The following PCDHGA1 variants were observed in gnomAD, a reference collection of about 807,000 sequenced individuals.
The protein encoded by PCDHGA1 is protocadherin gamma-A1.
In PCDHGA1, 32 loss-of-function variants were observed where a neutral mutation model predicts 58.0. That is an observed-to-expected ratio of 0.55 (90% CI 0.42 to 0.74). The LOEUF is 0.74. Among genes scored for constraint, PCDHGA1 ranks in the 30% least tolerant of loss-of-function variants. The pLI, the probability that PCDHGA1 is intolerant of heterozygous loss-of-function variation, is 0.00. For missense variants in PCDHGA1, 1,205 were observed against 1,182.3 expected, an observed-to-expected ratio of 1.02 and a Z score of -0.28; for synonymous variants, 498 against 501.1, an observed-to-expected ratio of 0.99 and a Z score of 0.08.
rs759819103 is a variant in PCDHGA1, at chr5:141,398,546, T to A, written c.2421+65441T>A. On this transcript the variant is annotated intron_variant, in intron 1 of 3. Transcript: ENST00000517417. ...AAATTCACGCAAAATTCCTTTGAGC[T>A]GCAAATAAGTGAGTCTGCACAGCCT... 3.1e-6 allele frequency: 5 copies of A among 1,613,902 alleles called. No homozygotes were observed. The East Asian group carries it at 1.1e-4, about 36-fold the overall frequency.
At chr5:141,335,509 T>C (rs1424717195) in intron 1 of PCDHGA1, among the ~76,000 whole-genome samples, 2 of 152,010 alleles carry the variant, frequency 1.3e-5, no homozygotes, top group Non-Finnish European at 2.9e-5. Context: ...TACTGAAAAA[T>C]ATAGCTTAGA....
chr5:141,443,417 T>C (rs1429905201), intron 1 of PCDHGA1, among the ~76,000 whole-genome samples: 3 of 152,132 alleles, frequency 2.0e-5, no homozygotes, highest in East Asian at 1.9e-4. Context: ...TCTGGGGAGA[T>C]TGAAGCTGCA....
chr5:141,371,379 G>C, intron 1 of PCDHGA1: 1 of 1,613,974 alleles, frequency 6.2e-7, no homozygotes, highest in Non-Finnish European at 8.5e-7. Context: ...ACATCACACT[G>C]CATATTGTAA....
At chr5:141,402,361 T>G (rs2094255838) in intron 1 of PCDHGA1, among the ~76,000 whole-genome samples, 1 of 151,992 alleles carries the variant, frequency 6.6e-6, no homozygotes, top group Admixed American at 6.6e-5. Flanking sequence ...ATGAATGTAC[T>G]TCCAAACAAG....
chr5:141,475,486 T>G (rs576743657), intron 1 of PCDHGA1, among the ~76,000 whole-genome samples: 1 of 152,252 alleles, frequency 6.6e-6, no homozygotes, highest in Non-Finnish European at 1.5e-5. Flanking sequence ...TGGTAAGAGA[T>G]AAAACTGAAA....
rs551289441 is a variant in PCDHGA1, at chr5:141,444,102, C to T, written c.2422-50705C>T. ...TGAAAAGTCTGCTAAGGATTGGAAACCAAGAAAAGTGAAGTATCTCAACAG... is the reference window on the plus strand; with the variant it reads ...TGAAAAGTCTGCTAAGGATTGGAAATCAAGAAAAGTGAAGTATCTCAACAG... On this transcript the variant is annotated intron_variant, in intron 1 of 3. Coordinates refer to ENST00000517417, the MANE Select transcript of PCDHGA1 (RefSeq NM_018912.3). Among the ~76,000 whole-genome samples the T allele has an allele frequency of 1.5e-3, 216 of 144,128 alleles. 1 individual carries two copies. Among genetic ancestry groups the T allele is most frequent in the African/African-American group, 5.4e-3 (211 of 38,798 alleles). 94.6% of individuals were successfully genotyped at this position (144,128 alleles called of 152,430 possible).
chr5:141,475,978 G>C, intron 1 of PCDHGA1: 1 of 1,010,712 alleles, frequency 9.9e-7, no homozygotes, highest in Non-Finnish European at 1.4e-6. Context: ...AGACTGAACA[G>C]CCGGCGAGCA....
Position 141,476,935 on chromosome 5 carries a change from A to G in PCDHGA1, c.2422-17872A>G. The G allele has an allele frequency of 6.2e-7, 1 of 1,614,166 alleles. No homozygotes were observed. Among genetic ancestry groups the G allele is most frequent in the Non-Finnish European group, 8.5e-7 (1 of 1,180,046 alleles). Reference sequence around the variant, plus strand: ...AAGTCCTTGCAACGGATCTGGATGAAGGCCCCAACGGTGAAATTATTTACT... The same window carrying G: ...AAGTCCTTGCAACGGATCTGGATGAGGGCCCCAACGGTGAAATTATTTACT... On this transcript the variant is annotated intron_variant, in intron 1 of 3. Transcript: ENST00000517417. This position sits in a 1 kb window ranked among gnomAD's most constrained non-coding sequence, Gnocchi z 7.6.
chr5:141,479,703 C>T (rs1219257838), intron 1 of PCDHGA1: 1 of 152,182 alleles, frequency 6.6e-6, no homozygotes, highest in African/African-American at 2.4e-5. Context: ...AGTGTTAGTC[C>T]CTGTCCTTCC....
In PCDHGA1 at chr5:141,431,357, C is replaced by G. The variant is rs762220618; in HGVS notation, c.2422-63450C>G. 1.9e-5 allele frequency: 31 copies of G among 1,613,926 alleles called. No homozygotes were observed. Among genetic ancestry groups the G allele is most frequent in the Non-Finnish European group, 2.2e-5 (26 of 1,180,046 alleles). On this transcript the variant is annotated intron_variant, in intron 1 of 3. Coordinates refer to ENST00000517417, the MANE Select transcript of PCDHGA1 (RefSeq NM_018912.3). The surrounding 1 kb of genome is among the most constrained non-coding windows in gnomAD (Gnocchi z 4.8). ...CCCCGAATTGGTGCTGAAACGCGCC[C>G]TGGACCGCGAAGAAAAGGCTGCTCA...
At chr5:141,338,386 G>A (rs2149719959) in intron 1 of PCDHGA1, among the ~76,000 whole-genome samples, 1 of 152,324 alleles carries the variant, frequency 6.6e-6, no homozygotes, top group East Asian at 1.9e-4. Flanking sequence ...TATAACCTTA[G>A]AAGAAAACGT....
chr5:141,380,318 T>G (rs751911275), intron 1 of PCDHGA1, among the ~76,000 whole-genome samples: 1 of 151,992 alleles, frequency 6.6e-6, no homozygotes, highest in Non-Finnish European at 1.5e-5. Context: ...AGAATGAAAA[T>G]CTAAATGGAA....
intron 1 of PCDHGA1, chr5:141,418,770 A>G: frequency 6.2e-7 from 1 of 1,613,892 alleles, no homozygotes; most frequent in Non-Finnish European, 8.5e-7. Context: ...ATTCTAACTC[A>G]GCAGCCTTTG....
chr5:141,370,460 C>T (rs373931690), intron 1 of PCDHGA1: 1 of 1,612,562 alleles, frequency 6.2e-7, no homozygotes, highest in Non-Finnish European at 8.5e-7. Context: ...TCTTCCTGCT[C>T]TCTTTGTTAG....
rs949539037 is a variant in PCDHGA1, at chr5:141,354,985, C to T, written c.2421+21880C>T. On this transcript the variant is annotated intron_variant, in intron 1 of 3. Transcript: ENST00000517417. The stretch of plus-strand genomic sequence containing the variant: ...TTAAGACTCTGGGTGTCGCTGTTCA[C>T]CAATCAGGGGGAAAAGACAAACCAG... The T allele has an allele frequency of 5.0e-6, 3 of 604,640 alleles. No individual in the cohort carries two copies. The African/African-American group carries it at 5.6e-5, about 11-fold the overall frequency. 37.5% of individuals were successfully genotyped at this position (604,640 alleles called of 1,614,324 possible).
intron 1 of PCDHGA1, chr5:141,389,189 C>CATCA: frequency 6.2e-7 from 1 of 1,614,032 alleles, no homozygotes; most frequent in Non-Finnish European, 8.5e-7. Context: ...CCAGTTCCAG[C>CATCA]ATCACCCTGC....
At position 141,356,324 on chromosome 5, in the gene PCDHGA1, A is replaced by C. The variant is rs1206704066; in HGVS notation, c.2421+23219A>C. 3.2e-6 allele frequency: 5 copies of C among 1,554,266 alleles called. No individual in the cohort carries two copies. The East Asian group carries it at 1.2e-4, about 38-fold the overall frequency. ...GCACTTTTCAACGTGCATGACAGTG[A>C]CTCAGGAGGAAATGGCCTAGTCACA... On this transcript the variant is annotated intron_variant, in intron 1 of 3. Coordinates refer to ENST00000517417, the MANE Select transcript of PCDHGA1 (RefSeq NM_018912.3).
At chr5:141,451,779 G>T (rs1284464259) in intron 1 of PCDHGA1, among the ~76,000 whole-genome samples, 1 of 152,070 alleles carries the variant, frequency 6.6e-6, no homozygotes, top group Non-Finnish European at 1.5e-5. Flanking sequence ...TACTCAGGAG[G>T]CTGAGGCCAG....
chr5:141,418,105 G>A lies in PCDHGA1; in HGVS notation c.2422-76702G>A, dbSNP rs971913143. On this transcript the variant is annotated intron_variant, in intron 1 of 3. Transcript: ENST00000517417. ...ACTTCAGCGTAGACGCGCAGAGCGG[G>A]GACTTACTTGTGAAGGACCGAATAG... 5 of 1,614,062 alleles carry A rather than the reference G, an allele frequency of 3.1e-6. No homozygotes were observed. The East Asian group carries it at 8.9e-5, about 29-fold the overall frequency.
Sources: allele counts gnomAD v4.1 joint callset (sites outside exome capture counted in the v4.1 genomes callset), GRCh38; gene constraint gnomAD v4.1.1; non-coding constraint Gnocchi (gnomAD v3.1); transcripts MANE v1.5; gene names NCBI Gene and HGNC (gene_info 2026-07-23, HGNC 2026-07-21).